BTBD9: variants seen among roughly 807,000 people sequenced by gnomAD.
The protein encoded by BTBD9 is BTB/POZ domain-containing protein 9.
Under a neutral mutation model 64.3 loss-of-function variants are expected in BTBD9, and 49 were observed. The ratio of observed to expected loss-of-function variants is 0.76; its 90% confidence interval spans 0.61 to 0.97. BTBD9 has a LOEUF of 0.97. BTBD9 is among the 50% of genes least tolerant of loss of function. BTBD9 has a pLI of 0.00. For synonymous variants in BTBD9, 260 were observed against 274.7 expected (o/e 0.95, Z 0.53); for missense variants, 598 against 762.1 (o/e 0.78, Z 2.53).
intron 10 of BTBD9, chr6:38,179,545 T>C: frequency 4.4e-6 from 2 of 456,676 alleles, no homozygotes; most frequent in Non-Finnish European, 8.8e-6. Flanking sequence ...ATGATTTCAC[T>C]GAGTGCAGAC....
intron 2 of BTBD9, among the ~76,000 whole-genome samples, chr6:38,594,728 T>C (rs1776964994): frequency 6.6e-6 from 1 of 152,202 alleles, no homozygotes; most frequent in South Asian, 2.1e-4. Context: ...CATTCTCCCC[T>C]GTAAGACTGG....
At chr6:38,225,735 G>C (rs1481740752) in intron 9 of BTBD9, among the ~76,000 whole-genome samples, 1 of 151,878 alleles carries the variant, frequency 6.6e-6, no homozygotes, top group African/African-American at 2.4e-5. Context: ...GGCAAGGGCA[G>C]GGGTACGAGG....
At chr6:38,316,133 C>CT (rs1442954317) in intron 7 of BTBD9, among the ~76,000 whole-genome samples, 1 of 152,050 alleles carries the variant, frequency 6.6e-6, no homozygotes, top group African/African-American at 2.4e-5. Flanking sequence ...TACTCCTGTT[C>CT]TTTTTTGGTT....
chr6:38,216,767 T>G (rs1038595511), intron 9 of BTBD9, among the ~76,000 whole-genome samples: 7 of 152,148 alleles, frequency 4.6e-5, no homozygotes, highest in Non-Finnish European at 1.0e-4. Context: ...CCAGTGATGC[T>G]CTAGTCCAGG....
intron 6 of BTBD9, among the ~76,000 whole-genome samples, chr6:38,505,839 T>C (rs1772463398): frequency 6.7e-6 from 1 of 149,288 alleles, no homozygotes; most frequent in East Asian, 2.0e-4. Flanking sequence ...GTGGCATGCG[T>C]CTGTAGTCCC....
intron 8 of BTBD9, among the ~76,000 whole-genome samples, chr6:38,282,029 C>T (rs1761530018): frequency 6.6e-6 from 1 of 152,110 alleles, no homozygotes; most frequent in Admixed American, 6.5e-5. Context: ...AGCCTGAAAA[C>T]ACTAAAAAGG....
At chr6:38,186,221 A>C (rs1468878388) in intron 10 of BTBD9, among the ~76,000 whole-genome samples, 7 of 152,208 alleles carry the variant, frequency 4.6e-5, no homozygotes. Context: ...CTCATCTTTA[A>C]AATGAGGATG....
chr6:38,381,226 T>C (rs1765918917), intron 6 of BTBD9, among the ~76,000 whole-genome samples: 1 of 151,912 alleles, frequency 6.6e-6, no homozygotes, highest in Admixed American at 6.6e-5. Flanking sequence ...TGACACGCTA[T>C]TTACAAGAAA....
At chr6:38,306,899 T>C (rs976992569) in intron 7 of BTBD9, among the ~76,000 whole-genome samples, 7 of 152,252 alleles carry the variant, frequency 4.6e-5, no homozygotes, top group Non-Finnish European at 1.0e-4. Context: ...AATGTTTCCC[T>C]GGCTGTTTTC....
At chr6:38,277,541 C>T (rs1761326079) in intron 8 of BTBD9, among the ~76,000 whole-genome samples, 2 of 152,026 alleles carry the variant, frequency 1.3e-5, no homozygotes, top group African/African-American at 4.8e-5. Context: ...ATCATGTTGG[C>T]CAGGCTGGTC....
chr6:38,479,872 G>A (rs1181150316), intron 6 of BTBD9, among the ~76,000 whole-genome samples: 3 of 152,130 alleles, frequency 2.0e-5, no homozygotes, highest in Non-Finnish European at 4.4e-5. Flanking sequence ...GGGACTACAG[G>A]TGTGCACCAC....
At chr6:38,468,174 C>A (rs116557255) in intron 6 of BTBD9, among the ~76,000 whole-genome samples, 2 of 152,168 alleles carry the variant, frequency 1.3e-5, no homozygotes, top group Admixed American at 1.3e-4. Context: ...CCACCATGCC[C>A]AGTCCCCCAG....
chr6:38,236,806 G>T (rs1374600347), intron 9 of BTBD9, among the ~76,000 whole-genome samples: 1 of 152,186 alleles, frequency 6.6e-6, no homozygotes, highest in Non-Finnish European at 1.5e-5. Flanking sequence ...AGTTCCGCAT[G>T]CAGAATAAAA....
At chr6:38,635,328 G>A (rs916323019) in intron 1 of BTBD9, among the ~76,000 whole-genome samples, 15 of 151,960 alleles carry the variant, frequency 9.9e-5, no homozygotes, top group African/African-American at 3.4e-4. Flanking sequence ...TAGAGATAGG[G>A]TTTCACCATG....
intron 6 of BTBD9, among the ~76,000 whole-genome samples, chr6:38,362,040 C>G (rs904446532): frequency 3.9e-5 from 6 of 152,194 alleles, no homozygotes; most frequent in Middle Eastern, 6.3e-3. Flanking sequence ...CTATCATATG[C>G]TCTATGTTTG....
chr6:38,460,449 C>T (rs1770024954), intron 6 of BTBD9, among the ~76,000 whole-genome samples: 1 of 152,056 alleles, frequency 6.6e-6, no homozygotes, highest in South Asian at 2.1e-4. Context: ...TTTATTTCCC[C>T]TTCCAAGAGA....
At chr6:38,318,707 G>A (rs1209417754) in intron 7 of BTBD9, among the ~76,000 whole-genome samples, 10 of 152,224 alleles carry the variant, frequency 6.6e-5, no homozygotes, top group Admixed American at 6.5e-4. Flanking sequence ...GGCTGTGCTA[G>A]GTCAGACCTG....
intron 9 of BTBD9, among the ~76,000 whole-genome samples, chr6:38,249,095 A>G (rs1764303353): frequency 6.6e-6 from 1 of 152,242 alleles, no homozygotes; most frequent in African/African-American, 2.4e-5. Flanking sequence ...ACTAGAGGGC[A>G]ATAAATCCAA....
chr6:38,325,456 C>T (rs571649487), intron 7 of BTBD9, among the ~76,000 whole-genome samples: 2 of 152,130 alleles, frequency 1.3e-5, no homozygotes, highest in Non-Finnish European at 2.9e-5. Flanking sequence ...GAGGCCGAGG[C>T]GGGCGGATCA....
Sources: gnomAD v4.1 joint callset for allele counts (sites outside exome capture counted in the v4.1 genomes callset) on GRCh38, gnomAD v4.1.1 for gene constraint, MANE v1.5 for transcripts, NCBI Gene and HGNC (gene_info 2026-07-23, HGNC 2026-07-21) for gene names.